PNLIPRP3: variants seen among roughly 807,000 people sequenced by gnomAD.
PNLIPRP3 encodes the protein pancreatic lipase related protein 3, also known as pancreatic lipase-related protein 3.
PNLIPRP3 carries 58 observed loss-of-function variants against 52.8 expected under a neutral mutation model. That is an observed-to-expected ratio of 1.10 (90% CI 0.89 to 1.37). The LOEUF (loss-of-function observed/expected upper bound fraction) is 1.37, where lower values mean the gene tolerates loss of function less well. PNLIPRP3 is among the 40% of genes most tolerant of loss of function. The pLI, the probability that PNLIPRP3 is intolerant of heterozygous loss-of-function variation, is 0.00. For synonymous variants in PNLIPRP3, 192 were observed against 185.0 expected (o/e 1.04, Z -0.31); for missense variants, 593 against 561.6 (o/e 1.06, Z -0.57).
At position 116,427,856 on chromosome 10, in the gene PNLIPRP3, G is replaced by T; in HGVS notation, c.-157G>T. The T allele has an allele frequency of 5.0e-6, 3 of 602,528 alleles. No individual in the cohort carries two copies. The highest frequency in any genetic ancestry group is 2.1e-5 in the South Asian group (1 of 47,838). The allele number at this position is 602,528 out of a possible 1,614,324, so 37.3% of individuals were successfully genotyped here. ...ACACCCCGATAATTTTATTTACTTT[G>T]CAGAGCATAAGGTGGAATAACATGT... On this transcript the variant is annotated 5_prime_UTR_variant, in exon 1 of 12. Transcript: ENST00000369230.
chr10:116,456,597 CCGTTAAGTCT>C (rs1340338081), intron 5 of PNLIPRP3, among the ~76,000 whole-genome samples: 2 of 152,196 alleles, frequency 1.3e-5, no homozygotes, highest in Non-Finnish European at 2.9e-5. Flanking sequence ...CCTGGATATA[CCGTTAAGTCT>C]AAAAATAAGT....
intron 2 of PNLIPRP3, among the ~76,000 whole-genome samples, chr10:116,437,159 TA>T (rs1338671591): frequency 6.6e-6 from 1 of 151,626 alleles, no homozygotes; most frequent in Non-Finnish European, 1.5e-5. Context: ...TAAGACTGAA[TA>T]AGCAACAATG....
chr10:116,474,880 G>A (rs1478124181), intron 10 of PNLIPRP3, among the ~76,000 whole-genome samples: 1 of 151,642 alleles, frequency 6.6e-6, no homozygotes, highest in Non-Finnish European at 1.5e-5. Context: ...ATTGTGGAAG[G>A]CCTCAAAGAC....
intron 8 of PNLIPRP3, 64 bp from the exon 9 acceptor site, chr10:116,469,121 C>A (rs149918361): frequency 6.3e-6 from 9 of 1,429,144 alleles, no homozygotes; most frequent in South Asian, 1.3e-5. Context: ...TAATATATAG[C>A]GAGTTTATTG....
At position 116,468,083 on chromosome 10, in the gene PNLIPRP3, C is replaced by T. The variant is rs1003804844; in HGVS notation, c.928-1102C>T. 2.1e-5 allele frequency among the ~76,000 whole-genome samples: 3 copies of T among 139,764 alleles called. No homozygotes were observed. The Admixed American group carries it at 2.3e-4, about 11-fold the overall frequency. The allele number at this position is 139,764 out of a possible 152,430, so 91.7% of individuals were successfully genotyped here. ...GAGCTTGCAGTGAGCCAAGATCGGGCCACTGCACTCCAGCCTGGGCAACAG... is the reference window on the plus strand; with the variant it reads ...GAGCTTGCAGTGAGCCAAGATCGGGTCACTGCACTCCAGCCTGGGCAACAG... On this transcript the variant is annotated intron_variant, in intron 8 of 11. Transcript: ENST00000369230.
chr10:116,472,177 TC>T (rs1432689032), intron 10 of PNLIPRP3, among the ~76,000 whole-genome samples: 5 of 152,224 alleles, frequency 3.3e-5, no homozygotes, highest in South Asian at 4.1e-4. Flanking sequence ...ATATTTTTAA[TC>T]CCATTCACTT....
Sources: allele counts gnomAD v4.1 joint callset (sites outside exome capture counted in the v4.1 genomes callset), GRCh38; gene constraint gnomAD v4.1.1; transcripts MANE v1.5; gene names NCBI Gene and HGNC (gene_info 2026-07-23, HGNC 2026-07-21).